Variants in TYW1B observed in about 807,000 individuals in gnomAD.
TYW1B encodes the protein tRNA-yW synthesizing protein 1 homolog B.
TYW1B carries 73 observed loss-of-function variants against 86.9 expected under a neutral mutation model. The ratio of observed to expected loss-of-function variants is 0.84; its 90% CI spans 0.70 to 1.02. The LOEUF (loss-of-function observed/expected upper bound fraction) is 1.02, where lower values mean the gene tolerates loss of function less well. TYW1B is among the 50% of genes least tolerant of loss of function. The pLI, the probability that TYW1B is intolerant of heterozygous loss-of-function variation, is 0.00. For missense variants in TYW1B, 637 were observed against 827.4 expected, an observed-to-expected ratio of 0.77 and a Z score of 2.82; for synonymous variants, 248 against 292.8, an observed-to-expected ratio of 0.85 and a Z score of 1.56.
chr7:72,632,399 T>TATATATATACGTATATATATAA (rs1812541714), intron 11 of TYW1B, among the ~76,000 whole-genome samples: 2 of 94,482 alleles, frequency 2.1e-5, no homozygotes, highest in African/African-American at 1.5e-4. Flanking sequence ...TATATATATA[T>TATATATATACGTATATATATAA]AATATATATA....
intron 7 of TYW1B, among the ~76,000 whole-genome samples, chr7:72,766,464 A>C (rs11976737): frequency 0.012 from 1,887 of 151,722 alleles, 38 homozygotes; most frequent in African/African-American, 0.043. Context: ...AAATATAAAA[A>C]TTAGTTGGGA....
At chr7:72,778,260 G>A (rs1439728284) in intron 6 of TYW1B, among the ~76,000 whole-genome samples, 2 of 152,186 alleles carry the variant, frequency 1.3e-5, no homozygotes, top group Admixed American at 6.6e-5. Flanking sequence ...TATGTTGAAG[G>A]TTAAATGAAA....
At position 72,684,807 on chromosome 7, in the gene TYW1B, G is replaced by T. The variant is rs782515443; in HGVS notation, c.1506+9880C>A. Among the ~76,000 whole-genome samples the T allele has an allele frequency of 8.6e-5, 13 of 152,040 alleles. No individual in the cohort carries two copies. In the East Asian group the frequency reaches 2.5e-3, roughly 29 times the overall value. ...TACAAGGACAGGAGGGAAGAATCAG[G>T]ATTATTTTGTTATTGTAAGGAGGCT... On this transcript the variant is annotated intron_variant, in intron 11 of 13. Transcript: ENST00000620995.
chr7:72,646,512 C>T (rs1554442084), intron 11 of TYW1B, among the ~76,000 whole-genome samples: 1 of 152,036 alleles, frequency 6.6e-6, no homozygotes, highest in South Asian at 2.1e-4. Flanking sequence ...GCTGGGACTA[C>T]AGGTGTGTGC....
intron 6 of TYW1B, among the ~76,000 whole-genome samples, chr7:72,787,395 A>G (rs576693182): frequency 6.6e-6 from 1 of 151,966 alleles, no homozygotes; most frequent in Admixed American, 6.6e-5. Context: ...CCCAGGAGGC[A>G]GAGGTTGCAG....
chr7:72,670,898 A>G (rs1554446253), intron 11 of TYW1B, among the ~76,000 whole-genome samples: 1 of 152,250 alleles, frequency 6.6e-6, no homozygotes, highest in Non-Finnish European at 1.5e-5. Context: ...AAATAAATAT[A>G]CACGATGTAT....
intron 7 of TYW1B, among the ~76,000 whole-genome samples, chr7:72,772,228 T>G (rs1787880880): frequency 6.6e-6 from 1 of 151,988 alleles, no homozygotes; most frequent in African/African-American, 2.4e-5. Context: ...AGGTAAAAAC[T>G]CGGTAAAGCT....
chr7:72,806,237 GTTTT>G (rs71517373), intron 5 of TYW1B, among the ~76,000 whole-genome samples: 1 of 129,252 alleles, frequency 7.7e-6, no homozygotes, highest in African/African-American at 2.8e-5. Flanking sequence ...GTGTGTGTGG[GTTTT>G]TTTTTTTTTT....
intron 2 of TYW1B, 84 bp downstream of exon 2, chr7:72,826,771 G>C: frequency 6.7e-7 from 1 of 1,503,472 alleles, no homozygotes; most frequent in South Asian, 1.3e-5. Context: ...AAACACAAAA[G>C]TAATTAAAGG....
At chr7:72,594,688 C>G (rs1161071922) in intron 13 of TYW1B, among the ~76,000 whole-genome samples, 1 of 152,058 alleles carries the variant, frequency 6.6e-6, no homozygotes, top group Non-Finnish European at 1.5e-5. Flanking sequence ...CAAAGCCAGA[C>G]AAAGATCGTA....
At chr7:72,583,242 C>T (rs1163536688) in intron 13 of TYW1B, among the ~76,000 whole-genome samples, 2 of 152,090 alleles carry the variant, frequency 1.3e-5, no homozygotes, top group African/African-American at 2.4e-5. Flanking sequence ...CCCAGCTACT[C>T]GGGAGGCTGA....
rs180918982 is a variant in TYW1B at position 72,635,831 on chromosome 7, A to C, written c.1507-6834T>G. On this transcript the variant is annotated intron_variant, in intron 11 of 13. Coordinates refer to ENST00000620995, the MANE Select transcript of TYW1B (RefSeq NM_001145440.3). ...CCTCAAAATTATCAACTCAAGAAGA[A>C]ATCAATATTTAAATATTGGGATACC... Among the ~76,000 whole-genome samples, 339 of 152,352 alleles carry C rather than the reference A, an allele frequency of 2.2e-3. 4 individuals carry two copies. Among genetic ancestry groups the C allele is most frequent in the African/African-American group, 7.5e-3 (313 of 41,578 alleles).
chr7:72,601,341 C>CAA lies in TYW1B; in HGVS notation c.1785+15329_1785+15330dup, dbSNP rs564355064. On this transcript the variant is annotated intron_variant, in intron 13 of 13. Coordinates refer to ENST00000620995, the MANE Select transcript of TYW1B (RefSeq NM_001145440.3). ...CAAATCTATTAGAATAGCTAAACCT[C>CAA]AAAAAAAAAAACAAAAAAAACCTGA... Among the ~76,000 whole-genome samples, 639 of 137,590 alleles carry CAA rather than the reference C, an allele frequency of 4.6e-3. 3 individuals are homozygous for CAA. The highest frequency in any genetic ancestry group is 0.016 in the African/African-American group (596 of 37,982). The allele number at this position is 137,590 out of a possible 152,430, so 90.3% of individuals were successfully genotyped here. A position where few individuals can be genotyped will look rare whatever the true frequency, so the allele number is the denominator to read the frequency against.
At chr7:72,714,980 G>C (rs1157339768) in intron 9 of TYW1B, among the ~76,000 whole-genome samples, 2 of 152,198 alleles carry the variant, frequency 1.3e-5, no homozygotes, top group Non-Finnish European at 2.9e-5. Flanking sequence ...ATCAGAGTGG[G>C]TGCAAGGCTG....
chr7:72,599,505 C>A (rs1289074192), intron 13 of TYW1B, among the ~76,000 whole-genome samples: 1 of 152,074 alleles, frequency 6.6e-6, no homozygotes, highest in African/African-American at 2.4e-5. Context: ...TCTCACCATT[C>A]CTATTCAAGA....
intron 11 of TYW1B, among the ~76,000 whole-genome samples, chr7:72,675,608 T>C (rs1284452624): frequency 1.3e-5 from 2 of 149,230 alleles, no homozygotes; most frequent in Non-Finnish European, 3.0e-5. Context: ...CACACACACA[T>C]GCACTGTATA....
chr7:72,793,754 CAAAA>C (rs11327564), intron 6 of TYW1B, among the ~76,000 whole-genome samples: 1 of 70,920 alleles, frequency 1.4e-5, no homozygotes, highest in Non-Finnish European at 3.3e-5. Context: ...GACTCCGTCT[CAAAA>C]AAAAAAAAAA....
intron 6 of TYW1B, among the ~76,000 whole-genome samples, chr7:72,782,794 T>C (rs1366167118): frequency 1.3e-5 from 2 of 152,130 alleles, no homozygotes; most frequent in Non-Finnish European, 2.9e-5. Context: ...CAAGAATCAC[T>C]TGAATCCAGG....
chr7:72,735,913 GT>G (rs1183229171), intron 8 of TYW1B, among the ~76,000 whole-genome samples: 1 of 151,976 alleles, frequency 6.6e-6, no homozygotes, highest in Non-Finnish European at 1.5e-5. Context: ...CCTATTTAAG[GT>G]TTATAAATCA....
Sources: allele counts gnomAD v4.1 joint callset (sites outside exome capture counted in the v4.1 genomes callset), GRCh38; gene constraint gnomAD v4.1.1; transcripts MANE v1.5; gene names NCBI Gene and HGNC (gene_info 2026-07-23, HGNC 2026-07-21).